RSBN1L: variants seen among roughly 807,000 people sequenced by gnomAD.
RSBN1L encodes the protein lysine-specific demethylase RSBN1L.
RSBN1L carries 30 observed loss-of-function variants against 67.7 expected under a neutral mutation model. The ratio of observed to expected loss-of-function variants is 0.44; its 90% CI spans 0.33 to 0.60. RSBN1L has a LOEUF of 0.60. Among genes scored for constraint, RSBN1L ranks in the 20% least tolerant of loss-of-function variants. The pLI is 0.02. For synonymous variants in RSBN1L, 433 were observed against 387.0 expected (o/e 1.12, Z -1.39); for missense variants, 992 against 1,031.7 (o/e 0.96, Z 0.53).
chr7:77,746,207 A>C (rs1158135707), intron 2 of RSBN1L, among the ~76,000 whole-genome samples: 10 of 152,182 alleles, frequency 6.6e-5, no homozygotes. Context: ...AAGAGGTTTA[A>C]TTGGCTCATG....
chr7:77,760,101 T>TA (rs1360593810), intron 3 of RSBN1L, among the ~76,000 whole-genome samples: 2 of 152,180 alleles, frequency 1.3e-5, no homozygotes, highest in African/African-American at 4.8e-5. Context: ...CAGCAATAAG[T>TA]AAAAAATCTT....
At chr7:77,727,711 G>A (rs545775764) in intron 1 of RSBN1L, among the ~76,000 whole-genome samples, 1 of 150,618 alleles carries the variant, frequency 6.6e-6, no homozygotes, top group Admixed American at 6.6e-5. Context: ...AGTACACCTC[G>A]TGCCTGAGCC....
chr7:77,698,482 C>G (rs1395851419), intron 1 of RSBN1L, among the ~76,000 whole-genome samples: 1 of 152,120 alleles, frequency 6.6e-6, no homozygotes, highest in Non-Finnish European at 1.5e-5. Flanking sequence ...TGTAAGTTCT[C>G]TGAAAGAGGA....
At chr7:77,709,315 A>T (rs1402266697) in intron 1 of RSBN1L, among the ~76,000 whole-genome samples, 1 of 151,322 alleles carries the variant, frequency 6.6e-6, no homozygotes, top group African/African-American at 2.4e-5. Flanking sequence ...TTTGAGACAG[A>T]GTCTTCCTGT....
At chr7:77,722,997 T>C (rs1440645563) in intron 1 of RSBN1L, among the ~76,000 whole-genome samples, 1 of 151,022 alleles carries the variant, frequency 6.6e-6, no homozygotes, top group Non-Finnish European at 1.5e-5. Context: ...AGACAGAGTT[T>C]CGCTTTGTTA....
chr7:77,710,594 G>A (rs1044405795), intron 1 of RSBN1L, among the ~76,000 whole-genome samples: 2 of 151,208 alleles, frequency 1.3e-5, no homozygotes, highest in Non-Finnish European at 1.5e-5. Flanking sequence ...TCATTTTCTT[G>A]TTTGTTTTTT....
At chr7:77,758,038 CAAAA>C (rs1429584353) in intron 3 of RSBN1L, among the ~76,000 whole-genome samples, 2 of 149,110 alleles carry the variant, frequency 1.3e-5, no homozygotes, top group Non-Finnish European at 3.0e-5. Flanking sequence ...GACTCCATCT[CAAAA>C]AAAAAGAAAG....
At chr7:77,702,353 G>A (rs1159677155) in intron 1 of RSBN1L, among the ~76,000 whole-genome samples, 2 of 152,142 alleles carry the variant, frequency 1.3e-5, no homozygotes, top group Non-Finnish European at 2.9e-5. Context: ...TGGGTGCAAC[G>A]TTTTCTGTTT....
At chr7:77,727,023 C>T (rs1791212753) in intron 1 of RSBN1L, among the ~76,000 whole-genome samples, 1 of 151,642 alleles carries the variant, frequency 6.6e-6, no homozygotes, top group Non-Finnish European at 1.5e-5. Flanking sequence ...CCTCGTGATC[C>T]ACCCGCCTTG....
chr7:77,767,929 C>G (rs1791794821), intron 4 of RSBN1L, among the ~76,000 whole-genome samples: 2 of 142,652 alleles, frequency 1.4e-5, no homozygotes, highest in South Asian at 4.8e-4. Context: ...CGGCTCACTG[C>G]AACCTCCGCC....
Position 77,696,982 on chromosome 7 carries a change from C to T in RSBN1L, c.513C>T (p.His171=). Residue 171 remains histidine (H), a synonymous_variant, in exon 1 of 8, where the codon CAC becomes CAT. Transcript: ENST00000334955. ...KEKREKERRR[H]GLGGAREAGG... Reference sequence around the variant, plus strand: ...AGCGGGAGAAGGAGAGGAGGAGGCACGGTCTCGGTGGGGCCCGAGAGGCCG... The same window carrying T: ...AGCGGGAGAAGGAGAGGAGGAGGCATGGTCTCGGTGGGGCCCGAGAGGCCG... 6.4e-7 allele frequency: 1 copy of T among 1,552,124 alleles called. No individual in the cohort carries two copies. Among genetic ancestry groups the T allele is most frequent in the Non-Finnish European group, 8.6e-7 (1 of 1,156,892 alleles).
chr7:77,764,178 A>C (rs1241537464), intron 3 of RSBN1L, among the ~76,000 whole-genome samples: 1 of 152,224 alleles, frequency 6.6e-6, no homozygotes. Flanking sequence ...TAAGACTGAT[A>C]GTCCTGGGCA....
intron 2 of RSBN1L, among the ~76,000 whole-genome samples, chr7:77,748,819 T>C (rs1476681787): frequency 6.6e-6 from 1 of 152,140 alleles, no homozygotes; most frequent in Admixed American, 6.5e-5. Context: ...ATTCATCTCC[T>C]TATTTCTGTA....
chr7:77,720,632 C>T (rs1364247946), intron 1 of RSBN1L, among the ~76,000 whole-genome samples: 1 of 152,078 alleles, frequency 6.6e-6, no homozygotes, highest in Non-Finnish European at 1.5e-5. Flanking sequence ...GGTTAAGTAA[C>T]TTGCTTCATG....
At chr7:77,703,592 G>A (rs1202616942) in intron 1 of RSBN1L, among the ~76,000 whole-genome samples, 3 of 140,178 alleles carry the variant, frequency 2.1e-5, no homozygotes, top group African/African-American at 8.0e-5. Context: ...AAGTTCAAGC[G>A]ATTCTCCTGC....
At chr7:77,777,338 A>C (rs1791931385) in intron 6 of RSBN1L, among the ~76,000 whole-genome samples, 1 of 151,796 alleles carries the variant, frequency 6.6e-6, no homozygotes, top group Non-Finnish European at 1.5e-5. Flanking sequence ...TGTGCTGTAC[A>C]TTCCTTTTCA....
intron 3 of RSBN1L, among the ~76,000 whole-genome samples, chr7:77,757,438 A>G (rs1791634568): frequency 6.6e-6 from 1 of 152,248 alleles, no homozygotes; most frequent in Non-Finnish European, 1.5e-5. Flanking sequence ...GTGATATATT[A>G]GGAAACTGTA....
At chr7:77,722,858 T>C (rs902704673) in intron 1 of RSBN1L, among the ~76,000 whole-genome samples, 4 of 152,078 alleles carry the variant, frequency 2.6e-5, no homozygotes, top group African/African-American at 9.7e-5. Flanking sequence ...ATGGCTCATA[T>C]TCAGGGCAGG....
chr7:77,746,110 TG>T (rs1448988814), intron 2 of RSBN1L, among the ~76,000 whole-genome samples: 1 of 152,146 alleles, frequency 6.6e-6, no homozygotes, highest in Non-Finnish European at 1.5e-5. Flanking sequence ...GCCCTGGGAT[TG>T]GGGATGCCTG....
Sources: allele counts gnomAD v4.1 joint callset (sites outside exome capture counted in the v4.1 genomes callset), GRCh38; gene constraint gnomAD v4.1.1; transcripts MANE v1.5; gene names NCBI Gene and HGNC (gene_info 2026-07-23, HGNC 2026-07-21).